The following RGS6 variants were observed in gnomAD, a reference collection of about 807,000 sequenced individuals.
RGS6 encodes regulator of G-protein signaling 6.
Under a neutral mutation model 78.5 loss-of-function variants are expected in RGS6, and 30 were observed. That is an observed-to-expected ratio of 0.38 (90% CI 0.29 to 0.52). The LOEUF (loss-of-function observed/expected upper bound fraction) is 0.52, where lower values mean the gene tolerates loss of function less well. Among genes scored for constraint, RGS6 ranks in the 20% least tolerant of loss-of-function variants. The pLI is 0.85. For missense variants in RGS6, 495 were observed against 609.7 expected, an observed-to-expected ratio of 0.81 and a Z score of 1.98; for synonymous variants, 206 against 206.0, an observed-to-expected ratio of 1.00 and a Z score of 0.00.
intron 2 of RGS6, among the ~76,000 whole-genome samples, chr14:72,002,574 A>G (rs1343449006): frequency 6.6e-6 from 1 of 150,532 alleles, no homozygotes; most frequent in Non-Finnish European, 1.5e-5. Flanking sequence ...AAAGAAGGGT[A>G]TGCATTGAGG....
chr14:72,441,004 T>C (rs762103204), intron 3 of RGS6, among the ~76,000 whole-genome samples: 5 of 152,148 alleles, frequency 3.3e-5, no homozygotes, highest in African/African-American at 4.8e-5. Context: ...TATGAGTTAG[T>C]GTGAGTGTTG....
At chr14:72,529,134 C>T (rs1403179452) in intron 15 of RGS6, among the ~76,000 whole-genome samples, 2 of 152,182 alleles carry the variant, frequency 1.3e-5, no homozygotes, top group Non-Finnish European at 1.5e-5. Flanking sequence ...GGCTGCATTT[C>T]GTTGCTTGGG....
chr14:72,072,631 C>T (rs948212815), intron 2 of RGS6, among the ~76,000 whole-genome samples: 20 of 152,096 alleles, frequency 1.3e-4, no homozygotes, highest in African/African-American at 4.6e-4. Flanking sequence ...TATTAGGAGG[C>T]AGAGAGCACT....
intron 6 of RGS6, among the ~76,000 whole-genome samples, chr14:72,462,671 C>T: frequency 6.6e-6 from 1 of 152,162 alleles, no homozygotes. Flanking sequence ...GAATGAGTGA[C>T]TGAATGAATA....
At chr14:72,042,880 T>G (rs36746) in intron 2 of RGS6, among the ~76,000 whole-genome samples, 146,520 of 152,268 alleles carry the variant, frequency 0.96, 70,551 homozygotes, top group African/African-American at 0.99. Flanking sequence ...GGTCAAAGAA[T>G]AATGTGGACA....
At chr14:72,280,306 C>T (rs372402184) in intron 2 of RGS6, among the ~76,000 whole-genome samples, 27 of 152,032 alleles carry the variant, frequency 1.8e-4, no homozygotes, top group African/African-American at 6.3e-4. Flanking sequence ...AGAAAGCAAT[C>T]AACAAGGCTT....
At chr14:72,151,599 C>A (rs1466530354) in intron 2 of RGS6, among the ~76,000 whole-genome samples, 2 of 152,112 alleles carry the variant, frequency 1.3e-5, no homozygotes, top group African/African-American at 2.4e-5. Context: ...GCTTGGGCGC[C>A]ATTTTCCCCA....
At chr14:71,903,201 G>A in the RGS6 span, among the ~76,000 whole-genome samples, 1 of 152,178 alleles carries the variant, frequency 6.6e-6, no homozygotes, top group Non-Finnish European at 1.5e-5. Flanking sequence ...AAGGAAGCAT[G>A]TGTAATTCTT....
chr14:71,891,820 T>C, the RGS6 span, among the ~76,000 whole-genome samples: 1 of 152,264 alleles, frequency 6.6e-6, no homozygotes, highest in South Asian at 2.1e-4. Context: ...CTCTGGCTTC[T>C]TCCCAGCACC....
At chr14:71,872,464 C>A in the RGS6 span, among the ~76,000 whole-genome samples, 1 of 152,154 alleles carries the variant, frequency 6.6e-6, no homozygotes, top group Non-Finnish European at 1.5e-5. Flanking sequence ...GAGGTGCTCA[C>A]TAGCTGCTAT....
At chr14:72,069,253 G>A (rs1447749882) in intron 2 of RGS6, among the ~76,000 whole-genome samples, 7 of 152,138 alleles carry the variant, frequency 4.6e-5, no homozygotes, top group African/African-American at 7.2e-5. Flanking sequence ...GATTACAGGC[G>A]TGAGCCACTG....
At chr14:72,168,597 T>C (rs568418844) in intron 2 of RGS6, among the ~76,000 whole-genome samples, 34 of 152,334 alleles carry the variant, frequency 2.2e-4, no homozygotes, top group Non-Finnish European at 4.3e-4. Flanking sequence ...GTTTTGGATA[T>C]ACTATTGGGT....
chr14:71,990,472 A>G (rs942828581), intron 2 of RGS6: 15 of 381,402 alleles, frequency 3.9e-5, no homozygotes, highest in Admixed American at 1.3e-4. Context: ...ACATGGGAAT[A>G]TGTTATTAAC....
intron 3 of RGS6, among the ~76,000 whole-genome samples, chr14:72,447,195 A>G (rs1172371740): frequency 1.3e-5 from 2 of 152,146 alleles, no homozygotes; most frequent in Admixed American, 6.5e-5. Context: ...GATGGATGCA[A>G]CCAGAGCACC....
At chr14:72,019,844 G>C (rs1388023230) in intron 2 of RGS6, among the ~76,000 whole-genome samples, 1 of 152,160 alleles carries the variant, frequency 6.6e-6, no homozygotes. Flanking sequence ...CCTTGTTTGT[G>C]ATCTAATTTA....
chr14:71,925,660 C>T, the RGS6 span, among the ~76,000 whole-genome samples: 5 of 144,914 alleles, frequency 3.5e-5, no homozygotes, highest in Non-Finnish European at 7.6e-5. Context: ...TTAAGAGACT[C>T]TCCTTTTCAC....
At chr14:72,554,253 C>T (rs982831892) in intron 17 of RGS6, among the ~76,000 whole-genome samples, 3 of 152,230 alleles carry the variant, frequency 2.0e-5, no homozygotes, top group African/African-American at 4.8e-5. Context: ...AAGAAATGTA[C>T]GTGTTTTGGG....
chr14:72,361,505 G>A (rs1348478009), intron 3 of RGS6, among the ~76,000 whole-genome samples: 3 of 152,290 alleles, frequency 2.0e-5, no homozygotes, highest in Non-Finnish European at 4.4e-5. Context: ...TTAGATGGTG[G>A]CATGTTTGAA....
rs146254352 is a variant in RGS6 at position 72,064,119 on chromosome 14, C to T, written c.84+99244C>T. On this transcript the variant is annotated intron_variant, in intron 2 of 17. Coordinates refer to ENST00000553525, the MANE Select transcript of RGS6 (RefSeq NM_001204424.2). ...TAATGTGGAAGTGGAGATGGGCAGC[C>T]GTGCAGTAGGGCACTTGCAAGGGAG... 4.3e-3 allele frequency among the ~76,000 whole-genome samples: 651 copies of T among 152,068 alleles called. 3 individuals carry two copies. The highest frequency in any genetic ancestry group is 0.014 in the African/African-American group (579 of 41,460).
Sources: allele counts gnomAD v4.1 joint callset (sites outside exome capture counted in the v4.1 genomes callset), GRCh38; gene constraint gnomAD v4.1.1; transcripts MANE v1.5; gene names NCBI Gene and HGNC (gene_info 2026-07-23, HGNC 2026-07-21).